Variants in SLC68A1 observed in about 807,000 individuals in gnomAD.
SLC68A1 encodes solute carrier family 68 member 1, also known as major facilitator superfamily domain containing 13A.
the SLC68A1 span, chr10:102,469,748 T>C: frequency 1.6e-6 from 1 of 644,038 alleles, no homozygotes; most frequent in Admixed American, 6.3e-5. Flanking sequence ...GGTTTCGCCA[T>C]GTTGGCCAGG....
chr10:102,468,991 C>G, the SLC68A1 span: 1 of 1,579,358 alleles, frequency 6.3e-7, no homozygotes, highest in East Asian at 2.3e-5. Flanking sequence ...GCCATGAGCC[C>G]TCCCCGGTGC....
At chr10:102,474,020 C>T in the SLC68A1 span, 1 of 1,586,310 alleles carries the variant, frequency 6.3e-7, no homozygotes, top group Non-Finnish European at 8.6e-7. Flanking sequence ...CAGGTGAGGG[C>T]CTGGTAGCAG....
chr10:102,470,675 G>A, the SLC68A1 span: 64 of 1,608,122 alleles, frequency 4.0e-5, no homozygotes, highest in Non-Finnish European at 5.4e-5. Flanking sequence ...GTCAGGCGCC[G>A]GGCTCTCCTC....
chr10:102,474,431 C>G, the SLC68A1 span, among the ~76,000 whole-genome samples: 1 of 152,014 alleles, frequency 6.6e-6, no homozygotes, highest in Non-Finnish European at 1.5e-5. Context: ...GTAGTATTAT[C>G]AGGGAAGGCC....
chr10:102,473,632 G>A, the SLC68A1 span: 1 of 1,614,080 alleles, frequency 6.2e-7, no homozygotes, highest in Admixed American at 1.7e-5. Flanking sequence ...CCGGCGCTGG[G>A]GCGTCTACGC....
At chr10:102,472,684 GT>G in the SLC68A1 span, among the ~76,000 whole-genome samples, 1 of 152,184 alleles carries the variant, frequency 6.6e-6, no homozygotes. Flanking sequence ...GTGGTTTTAG[GT>G]TGTGTTCTGG....
At chr10:102,461,604 T>C in the SLC68A1 span, among the ~76,000 whole-genome samples, 1 of 150,474 alleles carries the variant, frequency 6.6e-6, no homozygotes, top group South Asian at 2.1e-4. Context: ...GATCATATTG[T>C]GGATTGGGAG....
the SLC68A1 span, chr10:102,469,109 C>T: frequency 6.2e-7 from 1 of 1,614,206 alleles, no homozygotes; most frequent in Non-Finnish European, 8.5e-7. Context: ...CTCTTCACCA[C>T]CATCCTGCAC....
At chr10:102,469,703 C>T in the SLC68A1 span, 6 of 260,256 alleles carry the variant, frequency 2.3e-5, no homozygotes, top group Non-Finnish European at 3.0e-5. Context: ...CCCGCCACCA[C>T]GCCCGGCTAA....
At chr10:102,461,468 G>C in the SLC68A1 span, 2 of 152,420 alleles carry the variant, frequency 1.3e-5, no homozygotes, top group African/African-American at 2.4e-5. Context: ...GCTGGCCAGC[G>C]GCCGGGGCTC....
At chr10:102,463,272 A>ACGCT in the SLC68A1 span, among the ~76,000 whole-genome samples, 1 of 150,156 alleles carries the variant, frequency 6.7e-6, no homozygotes, top group Admixed American at 6.7e-5. Context: ...TCCCGGGTTC[A>ACGCT]CGCTATTCTG....
At chr10:102,471,542 TTGAGGACAG>T in the SLC68A1 span, 1 of 1,197,146 alleles carries the variant, frequency 8.4e-7, no homozygotes, top group Non-Finnish European at 1.2e-6. Context: ...GGTGGATCAC[TTGAGGACAG>T]GGGTTCGAGA....
chr10:102,475,797 C>T, the SLC68A1 span: 1 of 1,614,086 alleles, frequency 6.2e-7, no homozygotes. Context: ...CCAGCTCCAG[C>T]CCCTGCACAG....
chr10:102,476,074 AGT>A, the SLC68A1 span: 3 of 1,167,694 alleles, frequency 2.6e-6, no homozygotes, highest in Non-Finnish European at 3.2e-6. Context: ...AGGATTTCAT[AGT>A]TTTTTTTTTT....
At chr10:102,476,048 TTTGG>T in the SLC68A1 span, 28 of 1,382,990 alleles carry the variant, frequency 2.0e-5, 3 homozygotes, top group Non-Finnish European at 2.3e-5. Flanking sequence ...GCCAGTTTTT[TTTGG>T]TTTTTTTTTT....
the SLC68A1 span, chr10:102,476,043 T>TTTTTG: frequency 8.1e-7 from 1 of 1,229,946 alleles, no homozygotes; most frequent in Non-Finnish European, 1.0e-6. Context: ...AAGGAGCCAG[T>TTTTTG]TTTTTTTGGT....
chr10:102,466,617 G>A, the SLC68A1 span, among the ~76,000 whole-genome samples: 2 of 152,050 alleles, frequency 1.3e-5, no homozygotes, highest in Non-Finnish European at 2.9e-5. Context: ...CCCAGGCCCT[G>A]CTGATGGCAA....
the SLC68A1 span, chr10:102,468,843 G>T: frequency 1.2e-5 from 7 of 582,054 alleles, no homozygotes; most frequent in Admixed American, 1.2e-4. Context: ...CAGCGCTGTT[G>T]TAAGTACAAA....
the SLC68A1 span, among the ~76,000 whole-genome samples, chr10:102,467,673 T>A: frequency 6.6e-6 from 1 of 151,850 alleles, no homozygotes; most frequent in Admixed American, 6.6e-5. Context: ...TTTTTCTTTT[T>A]GAGACTGAGT....
Sources: gnomAD v4.1 joint callset for allele counts (sites outside exome capture counted in the v4.1 genomes callset) on GRCh38, gnomAD v4.1.1 for gene constraint, MANE v1.5 for transcripts, NCBI Gene and HGNC (gene_info 2026-07-23, HGNC 2026-07-21) for gene names.